Variants in ACTR3B observed in about 807,000 individuals in gnomAD.
ACTR3B encodes actin-related protein 3B.
Under a neutral mutation model 59.0 loss-of-function variants are expected in ACTR3B, and 8 were observed. The ratio of observed to expected loss-of-function variants is 0.14; its 90% CI spans 0.08 to 0.24. The LOEUF is 0.24. Among genes scored for constraint, ACTR3B ranks in the 10% least tolerant of loss-of-function variants. The pLI is 1.00. For synonymous variants in ACTR3B, 148 were observed against 197.9 expected (o/e 0.75, Z 2.12); for missense variants, 245 against 552.3 (o/e 0.44, Z 5.58).
intron 1 of ACTR3B, among the ~76,000 whole-genome samples, chr7:152,771,771 TA>T (rs1227728711): frequency 6.6e-5 from 10 of 152,218 alleles, no homozygotes; most frequent in Non-Finnish European, 1.5e-4. Flanking sequence ...GTATCCTGGT[TA>T]ATTTATAAAA....
chr7:152,759,841 C>T lies in ACTR3B; in HGVS notation c.-42C>T, dbSNP rs773986062. On this transcript the variant is annotated 5_prime_UTR_variant, in exon 1 of 12. Coordinates refer to ENST00000256001, the MANE Select transcript of ACTR3B (RefSeq NM_020445.6). Reference sequence around the variant, plus strand: ...CGGCGGAGCGGACGGCGACGGGGCGCTCTCGGGCTGCCGGCGGGGCCGAGC... The same window carrying T: ...CGGCGGAGCGGACGGCGACGGGGCGTTCTCGGGCTGCCGGCGGGGCCGAGC... 1.5e-4 allele frequency: 189 copies of T among 1,235,582 alleles called. No individual in the cohort carries two copies. The highest frequency in any genetic ancestry group is 2.8e-4 in the South Asian group (9 of 32,222). 76.5% of individuals were successfully genotyped at this position (1,235,582 alleles called of 1,614,324 possible).
At position 152,849,561 on chromosome 7, in the gene ACTR3B, C is replaced by T. The variant is rs1798631624; in HGVS notation, c.952-2565C>T. 2.0e-5 allele frequency among the ~76,000 whole-genome samples: 3 copies of T among 152,338 alleles called. No individual in the cohort carries two copies. In the South Asian group the frequency reaches 6.2e-4, roughly 32 times the overall value. On this transcript the variant is annotated intron_variant, in intron 9 of 11. Transcript: ENST00000256001. ...CAGGGGTGTCCAACCTTTTGGTGTC[C>T]CTGGGCCAGAAACTCTTGGGCCACA... is the stretch of plus-strand genomic sequence containing the variant.
At chr7:152,775,144 T>C (rs1013514245) in intron 1 of ACTR3B, among the ~76,000 whole-genome samples, 1 of 138,314 alleles carries the variant, frequency 7.2e-6, no homozygotes, top group African/African-American at 2.7e-5. Context: ...TGAGCTATGA[T>C]TGCACCACTG....
intron 4 of ACTR3B, among the ~76,000 whole-genome samples, chr7:152,808,413 A>G (rs1038050065): frequency 4.0e-5 from 6 of 150,840 alleles, no homozygotes; most frequent in African/African-American, 1.5e-4. Flanking sequence ...GGTAAAACCC[A>G]TTTTCCTTTG....
intron 4 of ACTR3B, among the ~76,000 whole-genome samples, chr7:152,808,954 A>T (rs2098260927): frequency 1.3e-5 from 2 of 152,210 alleles, no homozygotes; most frequent in Admixed American, 6.5e-5. Flanking sequence ...GAGATTGTAC[A>T]CACTACTATT....
At chr7:152,794,074 T>C (rs2098206932) in intron 2 of ACTR3B, among the ~76,000 whole-genome samples, 1 of 152,154 alleles carries the variant, frequency 6.6e-6, no homozygotes, top group Non-Finnish European at 1.5e-5. Context: ...TCTTGTTCCA[T>C]AGGTATAGAC....
At chr7:152,765,849 A>G (rs1443004665) in intron 1 of ACTR3B, among the ~76,000 whole-genome samples, 2 of 152,280 alleles carry the variant, frequency 1.3e-5, no homozygotes, top group African/African-American at 4.8e-5. Flanking sequence ...GCATGGTGCC[A>G]GCATCTAATG....
At chr7:152,829,353 C>T (rs1205291505) in intron 9 of ACTR3B, among the ~76,000 whole-genome samples, 1 of 152,188 alleles carries the variant, frequency 6.6e-6, no homozygotes, top group Non-Finnish European at 1.5e-5. Context: ...ACTAACATCT[C>T]CCCACTCCGC....
intron 2 of ACTR3B, among the ~76,000 whole-genome samples, chr7:152,797,709 G>A (rs1000059767): frequency 7.2e-5 from 11 of 152,030 alleles, no homozygotes; most frequent in Non-Finnish European, 1.3e-4. Flanking sequence ...TCAGCCCCCT[G>A]TAACCACCAT....
intron 9 of ACTR3B, among the ~76,000 whole-genome samples, chr7:152,834,439 C>T (rs753372839): frequency 6.6e-5 from 10 of 152,228 alleles, no homozygotes; most frequent in Non-Finnish European, 1.0e-4. Context: ...CAAGTGTGAG[C>T]CACCGCGCCC....
At chr7:152,809,693 C>T (rs939659166) in intron 4 of ACTR3B, among the ~76,000 whole-genome samples, 1 of 152,028 alleles carries the variant, frequency 6.6e-6, no homozygotes, top group Non-Finnish European at 1.5e-5. Flanking sequence ...CAGGTATGTG[C>T]CACCACGCCT....
chr7:152,804,653 A>G (rs560846769), intron 4 of ACTR3B, among the ~76,000 whole-genome samples: 7 of 152,328 alleles, frequency 4.6e-5, no homozygotes, highest in Non-Finnish European at 7.3e-5. Context: ...GGAGATATGT[A>G]TAGTCAAAAC....
At chr7:152,814,353 G>A in intron 4 of ACTR3B, 197 bp from the exon 5 acceptor site, 1 of 495,402 alleles carries the variant, frequency 2.0e-6, no homozygotes, top group South Asian at 2.4e-5. Context: ...CTTCAGAGAA[G>A]TATTTACTCT....
intron 9 of ACTR3B, among the ~76,000 whole-genome samples, chr7:152,843,310 C>A (rs1202738750): frequency 6.6e-6 from 1 of 152,100 alleles, no homozygotes; most frequent in African/African-American, 2.4e-5. Context: ...AAATTTTGTA[C>A]TTTTAGCCCT....
intron 1 of ACTR3B, among the ~76,000 whole-genome samples, chr7:152,771,500 G>GA (rs1187265979): frequency 6.6e-6 from 1 of 152,144 alleles, no homozygotes; most frequent in African/African-American, 2.4e-5. Flanking sequence ...TCAACTTCCT[G>GA]AAATTACGTA....
intron 4 of ACTR3B, among the ~76,000 whole-genome samples, chr7:152,810,408 GT>G (rs1165466125): frequency 3.0e-3 from 380 of 126,886 alleles, no homozygotes; most frequent in African/African-American, 6.5e-3. Context: ...CACCCAGCCT[GT>G]TTTTTTTTTT....
At chr7:152,786,571 A>G (rs1056903862) in intron 2 of ACTR3B, 1 of 157,020 alleles carries the variant, frequency 6.4e-6, no homozygotes, top group Non-Finnish European at 1.4e-5. Context: ...AAAAAAAACA[A>G]AAAACAAACA....
chr7:152,787,636 TTA>T (rs1448924956), intron 2 of ACTR3B, among the ~76,000 whole-genome samples: 1 of 152,172 alleles, frequency 6.6e-6, no homozygotes, highest in Non-Finnish European at 1.5e-5. Context: ...CCAACACTAT[TTA>T]TTAAAGAGTG....
chr7:152,786,700 A>C (rs375001808), intron 2 of ACTR3B, among the ~76,000 whole-genome samples: 4 of 151,714 alleles, frequency 2.6e-5, no homozygotes, highest in Admixed American at 6.6e-5. Context: ...TGAGTATCAG[A>C]CCTCTCTTCT....
Sources: allele counts gnomAD v4.1 joint callset (sites outside exome capture counted in the v4.1 genomes callset), GRCh38; gene constraint gnomAD v4.1.1; transcripts MANE v1.5; gene names NCBI Gene and HGNC (gene_info 2026-07-23, HGNC 2026-07-21).